The following ARHGEF7 variants were observed in gnomAD, a reference collection of about 807,000 sequenced individuals.
ARHGEF7 encodes Rho guanine nucleotide exchange factor 7.
Under a neutral mutation model 109.8 loss-of-function variants are expected in ARHGEF7, and 33 were observed. That is an observed-to-expected ratio of 0.30 (90% confidence interval 0.23 to 0.40). The LOEUF is 0.40. Ranked by LOEUF, ARHGEF7 falls within the 10% of genes least tolerant of loss-of-function variation. The pLI is 1.00. For synonymous variants in ARHGEF7, 458 were observed against 424.6 expected, an observed-to-expected ratio of 1.08 and a Z score of -0.97; for missense variants, 938 against 1,098.5, an observed-to-expected ratio of 0.85 and a Z score of 2.07.
chr13:111,226,142 CACA>C (rs1252319061), intron 5 of ARHGEF7, among the ~76,000 whole-genome samples: 3 of 152,186 alleles, frequency 2.0e-5, no homozygotes, highest in Non-Finnish European at 4.4e-5. Flanking sequence ...TCAAACCAGC[CACA>C]ACATTTCCTT....
chr13:111,141,813 G>A (rs1304858897), intron 1 of ARHGEF7, among the ~76,000 whole-genome samples: 2 of 152,272 alleles, frequency 1.3e-5, no homozygotes, highest in East Asian at 3.9e-4. Flanking sequence ...GTGGACATAC[G>A]TTTTCAGCCC....
intron 8 of ARHGEF7, among the ~76,000 whole-genome samples, chr13:111,256,572 TG>T (rs1162336146): frequency 2.0e-5 from 3 of 152,238 alleles, no homozygotes; most frequent in Admixed American, 2.0e-4. Context: ...TGCCGATCTC[TG>T]TGGAGACCTT....
chr13:111,251,019 C>A lies in ARHGEF7; in HGVS notation c.950+6725C>A, dbSNP rs545008499. On this transcript the variant is annotated intron_variant, in intron 8 of 21. Coordinates refer to ENST00000646102, the MANE Select transcript of ARHGEF7 (RefSeq NM_001354046.2). The stretch of plus-strand genomic sequence containing the variant: ...TGATTGACTAGATCACTGGACATTG[C>A]TGAGTGGCATGATCTCCAGCCCCTT... Among the ~76,000 whole-genome samples the A allele has an allele frequency of 2.6e-5, 4 of 152,314 alleles. No individual in the cohort carries two copies. In the South Asian group the frequency reaches 8.3e-4, roughly 32 times the overall value.
chr13:111,209,849 T>C, intron 3 of ARHGEF7, 23 bp from the exon 4 acceptor site: 1 of 1,611,208 alleles, frequency 6.2e-7, no homozygotes. Flanking sequence ...AGCTCTCTTT[T>C]TCTGTGTGCA....
At chr13:111,296,371 G>GC (rs1483548614) in intron 19 of ARHGEF7, among the ~76,000 whole-genome samples, 1 of 152,134 alleles carries the variant, frequency 6.6e-6, no homozygotes, top group Non-Finnish European at 1.5e-5. Flanking sequence ...GGGTCCTGGT[G>GC]CCCCCTGGGG....
At position 111,255,231 on chromosome 13, in the gene ARHGEF7, C is replaced by T. The variant is rs554388859; in HGVS notation, c.950+10937C>T. 2.6e-5 allele frequency among the ~76,000 whole-genome samples: 4 copies of T among 152,316 alleles called. No individual in the cohort carries two copies. Among genetic ancestry groups the T allele is most frequent in the South Asian group, 4.1e-4 (2 of 4,826 alleles). ...GGATTCGGGCTAAGGCGCTGAGTTC[C>T]GTTTGGGGTTGCTGTGCATTTCAGT... On this transcript the variant is annotated intron_variant, in intron 8 of 21. Coordinates refer to ENST00000646102, the MANE Select transcript of ARHGEF7 (RefSeq NM_001354046.2). The surrounding 1 kb of genome is among the most constrained non-coding windows in gnomAD (Gnocchi z 4.1).
At chr13:111,164,444 G>A (rs1375107129) in intron 2 of ARHGEF7, among the ~76,000 whole-genome samples, 4 of 152,224 alleles carry the variant, frequency 2.6e-5, no homozygotes, top group Non-Finnish European at 5.9e-5. Context: ...AACTTACCTG[G>A]TGACAGGGCC....
intron 19 of ARHGEF7, 64 bp downstream of exon 19, chr13:111,292,358 A>G: frequency 6.3e-7 from 1 of 1,597,278 alleles, no homozygotes; most frequent in South Asian, 1.1e-5. Flanking sequence ...TTCTTAACAA[A>G]TGCTTGTTGT....
chr13:111,177,967 T>G (rs902368824), intron 2 of ARHGEF7, among the ~76,000 whole-genome samples: 1 of 152,184 alleles, frequency 6.6e-6, no homozygotes, highest in Non-Finnish European at 1.5e-5. Flanking sequence ...CTGGAATAGC[T>G]CACCTCCTCT....
In ARHGEF7 at chr13:111,273,886, G is replaced by T; in HGVS notation, c.1146G>T (p.Leu382=). The T allele has an allele frequency of 6.2e-7, 1 of 1,614,162 alleles. No homozygotes were observed. Among genetic ancestry groups the T allele is most frequent in the Non-Finnish European group, 8.5e-7 (1 of 1,180,022 alleles). The change falls in exon 10 of 22, where the codon CTG becomes CTT. Residue 382 remains leucine (L), a synonymous_variant. Coordinates refer to ENST00000646102, the MANE Select transcript of ARHGEF7 (RefSeq NM_001354046.2). This position sits in a 1 kb window ranked among gnomAD's most constrained non-coding sequence, Gnocchi z 4.5. ...GGATTCTCGTGCTGACCACGGGCCT[G>T]AGCAAACCCTTCATGCGCCTGGATA... ...SPGILVLTTG[L]SKPFMRLDKY...
intron 3 of ARHGEF7, among the ~76,000 whole-genome samples, chr13:111,208,593 T>C (rs2082148500): frequency 6.6e-6 from 1 of 152,196 alleles, no homozygotes. Flanking sequence ...TGGAAGGCTG[T>C]GGCCAGCAGA....
intron 5 of ARHGEF7, among the ~76,000 whole-genome samples, chr13:111,229,862 G>C (rs2085791515): frequency 6.6e-6 from 1 of 152,178 alleles, no homozygotes; most frequent in African/African-American, 2.4e-5. Context: ...GTTTCTTCTA[G>C]GCTGTGCCCC....
At chr13:111,139,075 A>G (rs1566614297) in intron 1 of ARHGEF7, among the ~76,000 whole-genome samples, 1 of 152,210 alleles carries the variant, frequency 6.6e-6, no homozygotes, top group South Asian at 2.1e-4. Flanking sequence ...AAAACTTATG[A>G]AAAGGAAATT....
chr13:111,235,094 T>G (rs2086620042), intron 6 of ARHGEF7, among the ~76,000 whole-genome samples: 1 of 152,230 alleles, frequency 6.6e-6, no homozygotes, highest in Non-Finnish European at 1.5e-5. Flanking sequence ...ACTGCTTTTT[T>G]GGGGAAGGCT....
intron 5 of ARHGEF7, among the ~76,000 whole-genome samples, chr13:111,221,096 G>T (rs1490992744): frequency 3.6e-5 from 5 of 140,210 alleles, no homozygotes; most frequent in African/African-American, 1.3e-4. Context: ...CCTATTGTGG[G>T]ACCTTGTGAT....
chr13:111,185,286 A>T (rs1397050346), intron 2 of ARHGEF7: 1 of 152,402 alleles, frequency 6.6e-6, no homozygotes, highest in African/African-American at 2.4e-5. Flanking sequence ...GGGCTCCCTT[A>T]CAAGTGCTGT....
intron 8 of ARHGEF7, among the ~76,000 whole-genome samples, chr13:111,257,227 A>C (rs965204553): frequency 6.6e-6 from 1 of 152,202 alleles, no homozygotes; most frequent in African/African-American, 2.4e-5. Context: ...TTAATCCTTC[A>C]GTCCCAGTGA....
At chr13:111,174,923 T>C (rs1305719396) in intron 2 of ARHGEF7, among the ~76,000 whole-genome samples, 2 of 152,184 alleles carry the variant, frequency 1.3e-5, no homozygotes, top group East Asian at 3.9e-4. Flanking sequence ...GCGTGTCGGG[T>C]GAAACCTAAA....
chr13:111,186,387 A>G (rs997552732), intron 2 of ARHGEF7, among the ~76,000 whole-genome samples: 1 of 124,468 alleles, frequency 8.0e-6, no homozygotes, highest in Non-Finnish European at 1.7e-5. Context: ...TTAAAGTGAA[A>G]TAAATCATTT....
Sources: gnomAD v4.1 joint callset for allele counts (sites outside exome capture counted in the v4.1 genomes callset) on GRCh38, gnomAD v4.1.1 for gene constraint, Gnocchi (gnomAD v3.1) non-coding constraint, MANE v1.5 for transcripts, NCBI Gene and HGNC (gene_info 2026-07-23, HGNC 2026-07-21) for gene names.